Variants in AUTS2 observed in about 807,000 individuals in gnomAD.
The protein encoded by AUTS2 is autism susceptibility gene 2 protein.
A neutral mutation model predicts 112.4 loss-of-function variants in AUTS2; 17 were observed. The observed-to-expected ratio is 0.15, with a 90% confidence interval of 0.10 to 0.23. AUTS2 has a LOEUF of 0.23. Among genes scored for constraint, AUTS2 ranks in the 10% least tolerant of loss-of-function variants. The probability of loss-of-function intolerance (pLI) is 1.00; values close to 1 mark genes in which losing one functional copy is unlikely to be tolerated. For synonymous variants in AUTS2, 751 were observed against 702.7 expected, an observed-to-expected ratio of 1.07 and a Z score of -1.09; for missense variants, 1,510 against 1,701.6, an observed-to-expected ratio of 0.89 and a Z score of 1.98.
At chr7:70,367,487 C>T (rs996524704) in intron 4 of AUTS2, among the ~76,000 whole-genome samples, 1 of 150,846 alleles carries the variant, frequency 6.6e-6, no homozygotes, top group Non-Finnish European at 1.5e-5. Context: ...ACCCATGAGG[C>T]GGAGCTTGCA....
intron 1 of AUTS2, among the ~76,000 whole-genome samples, chr7:69,865,103 GTTTT>G (rs796779159): frequency 1.4e-5 from 2 of 139,888 alleles, no homozygotes; most frequent in South Asian, 4.6e-4. Context: ...AGGATGGTAG[GTTTT>G]TTTTTTTTTT....
intron 4 of AUTS2, among the ~76,000 whole-genome samples, chr7:70,238,344 GC>G (rs1812433362): frequency 6.6e-6 from 1 of 152,186 alleles, no homozygotes; most frequent in African/African-American, 2.4e-5. Context: ...AGTGCTGTCC[GC>G]TTTAGCTTTG....
At chr7:69,633,047 G>A (rs1794341873) in intron 1 of AUTS2, among the ~76,000 whole-genome samples, 1 of 152,066 alleles carries the variant, frequency 6.6e-6, no homozygotes, top group Admixed American at 6.5e-5. Flanking sequence ...TAGTCCTCAT[G>A]TTGTACATTA....
At chr7:70,190,469 A>C (rs1448725578) in intron 4 of AUTS2, among the ~76,000 whole-genome samples, 2 of 152,196 alleles carry the variant, frequency 1.3e-5, no homozygotes, top group Non-Finnish European at 2.9e-5. Flanking sequence ...ATCATTTCAC[A>C]AATTTCCTCA....
chr7:69,797,117 T>G (rs1233951583), intron 1 of AUTS2, among the ~76,000 whole-genome samples: 1 of 152,206 alleles, frequency 6.6e-6, no homozygotes, highest in Non-Finnish European at 1.5e-5. Flanking sequence ...TTTGGGACAT[T>G]GGTCTCTACC....
intron 6 of AUTS2, among the ~76,000 whole-genome samples, chr7:70,728,046 G>T (rs577253479): frequency 3.3e-5 from 5 of 152,258 alleles, no homozygotes; most frequent in African/African-American, 1.2e-4. Flanking sequence ...TAAATTTTAT[G>T]ACCTGCTTTG....
intron 1 of AUTS2, among the ~76,000 whole-genome samples, chr7:69,625,935 G>T (rs1332325707): frequency 6.6e-6 from 1 of 152,158 alleles, no homozygotes; most frequent in African/African-American, 2.4e-5. Flanking sequence ...TAGGAAATTA[G>T]GGTTGTAGAG....
chr7:70,734,446 A>G (rs914122323), intron 6 of AUTS2, among the ~76,000 whole-genome samples: 1 of 151,854 alleles, frequency 6.6e-6, no homozygotes, highest in Non-Finnish European at 1.5e-5. Flanking sequence ...TCTCAAAAAA[A>G]AAAGAAAAAA....
intron 1 of AUTS2, among the ~76,000 whole-genome samples, chr7:69,829,678 C>T (rs968025546): frequency 6.6e-6 from 1 of 152,154 alleles, no homozygotes; most frequent in African/African-American, 2.4e-5. Context: ...ATCAAAACCA[C>T]AATGAGATGT....
intron 1 of AUTS2, among the ~76,000 whole-genome samples, chr7:69,632,568 C>G (rs1794300088): frequency 6.9e-6 from 1 of 144,822 alleles, no homozygotes; most frequent in South Asian, 2.4e-4. Context: ...CTCCCTCCCC[C>G]TCTCCCCTCT....
At chr7:69,914,700 G>A (rs1272818831) in intron 2 of AUTS2, among the ~76,000 whole-genome samples, 1 of 151,394 alleles carries the variant, frequency 6.6e-6, no homozygotes, top group Non-Finnish European at 1.5e-5. Context: ...GCAGAAAGAC[G>A]GAGAGGAAAG....
In AUTS2 at chr7:70,764,699, C is replaced by T. The variant is rs1983488; in HGVS notation, c.1215-53C>T. 0.11 allele frequency: 78,209 copies of T among 709,768 alleles called. 4,757 individuals are homozygous for T. Among genetic ancestry groups the T allele is most frequent in the Non-Finnish European group, 0.13 (50,976 of 382,248 alleles). The allele number at this position is 709,768 out of a possible 1,614,324, so 44.0% of individuals were successfully genotyped here. A position where few individuals can be genotyped will look rare whatever the true frequency, so the allele number is the denominator to read the frequency against. On this transcript the variant is annotated intron_variant, in intron 7 of 18. Transcript: ENST00000342771. ...AGGTAGGATTCTTTTAAAGAGAATA[C>T]ATTGCTTACCTTTTTTTATTTTTTT...
intron 2 of AUTS2, among the ~76,000 whole-genome samples, chr7:69,944,638 A>C (rs777205467): frequency 2.6e-5 from 4 of 152,128 alleles, no homozygotes; most frequent in Non-Finnish European, 5.9e-5. Flanking sequence ...TGCTTCATCT[A>C]CTTTTTCTTT....
At chr7:70,672,542 G>C (rs1807697778) in intron 5 of AUTS2, among the ~76,000 whole-genome samples, 1 of 152,158 alleles carries the variant, frequency 6.6e-6, no homozygotes, top group South Asian at 2.1e-4. Context: ...AACAGCTCCA[G>C]GGCAGCTGAA....
chr7:70,424,679 C>T (rs954252790), intron 4 of AUTS2, among the ~76,000 whole-genome samples: 9 of 152,072 alleles, frequency 5.9e-5, no homozygotes, highest in Admixed American at 5.2e-4. Context: ...CTTGACCTTC[C>T]GGGCTCAAGC....
rs1792003520 is a variant in AUTS2, at chr7:70,792,103, C to T, written c.*1107C>T. ...TTTTCTCAGATGATGGATATGTTTT[C>T]ACTGTATTCAATAACTGACGGATGT... On this transcript the variant is annotated 3_prime_UTR_variant, in exon 19 of 19. Coordinates refer to ENST00000342771, the MANE Select transcript of AUTS2 (RefSeq NM_015570.4). 1 of 152,580 alleles carries T rather than the reference C, an allele frequency of 6.6e-6. No individual in the cohort carries two copies. The highest frequency in any genetic ancestry group is 2.4e-5 in the African/African-American group (1 of 41,422). The allele number at this position is 152,580 out of a possible 1,614,324, so 9.5% of individuals were successfully genotyped here.
intron 5 of AUTS2, among the ~76,000 whole-genome samples, chr7:70,513,510 G>C (rs371249482): frequency 6.6e-6 from 1 of 152,274 alleles, no homozygotes; most frequent in South Asian, 2.1e-4. Context: ...CTATCCCCCT[G>C]TCTCCACCAC....
At chr7:69,916,868 G>A (rs1795600429) in intron 2 of AUTS2, among the ~76,000 whole-genome samples, 1 of 152,166 alleles carries the variant, frequency 6.6e-6, no homozygotes, top group African/African-American at 2.4e-5. Context: ...TCTTGCCACT[G>A]TTAAATTCTG....
At chr7:70,787,105 A>G in intron 17 of AUTS2, 104 bp from the exon 18 acceptor site, 1 of 1,034,530 alleles carries the variant, frequency 9.7e-7, no homozygotes, top group South Asian at 1.4e-5. Flanking sequence ...ATATGTATTC[A>G]TTTTAACTCT....
Sources: gnomAD v4.1 joint callset for allele counts (sites outside exome capture counted in the v4.1 genomes callset) on GRCh38, gnomAD v4.1.1 for gene constraint, MANE v1.5 for transcripts, NCBI Gene and HGNC (gene_info 2026-07-23, HGNC 2026-07-21) for gene names.